The following HIPK2 variants were observed in gnomAD, a reference collection of about 807,000 sequenced individuals.
The protein encoded by HIPK2 is homeodomain interacting protein kinase 2.
Under a neutral mutation model 113.7 loss-of-function variants are expected in HIPK2, and 27 were observed. That is an observed-to-expected ratio of 0.24 (90% CI 0.17 to 0.33). The LOEUF is 0.33. Among genes scored for constraint, HIPK2 ranks in the 10% least tolerant of loss-of-function variants. HIPK2 has a pLI of 1.00. For missense variants in HIPK2, 1,257 were observed against 1,588.0 expected, an observed-to-expected ratio of 0.79 and a Z score of 3.54; for synonymous variants, 631 against 642.2, an observed-to-expected ratio of 0.98 and a Z score of 0.26.
At chr7:139,696,490 G>C (rs1413484636) in intron 2 of HIPK2, among the ~76,000 whole-genome samples, 2 of 152,008 alleles carry the variant, frequency 1.3e-5, no homozygotes, top group African/African-American at 2.4e-5. Context: ...GGCTGAGGGA[G>C]GGGGATGGCT....
intron 10 of HIPK2, among the ~76,000 whole-genome samples, chr7:139,603,558 C>G (rs967572110): frequency 5.3e-5 from 8 of 152,094 alleles, no homozygotes; most frequent in Non-Finnish European, 8.8e-5. Context: ...ACTGAAGAGG[C>G]ACACTCAGCA....
At chr7:139,678,431 G>A (rs534242433) in intron 2 of HIPK2, among the ~76,000 whole-genome samples, 2 of 152,308 alleles carry the variant, frequency 1.3e-5, no homozygotes, top group South Asian at 4.1e-4. Flanking sequence ...TATTAAATAG[G>A]GAATCCTTCC....
chr7:139,700,028 C>G (rs1299521797), intron 2 of HIPK2, among the ~76,000 whole-genome samples: 2 of 152,166 alleles, frequency 1.3e-5, no homozygotes, highest in African/African-American at 4.8e-5. Flanking sequence ...TGCAGATATA[C>G]GACGTCTGTG....
At position 139,575,168 on chromosome 7, in the gene HIPK2, C is replaced by T. The variant is rs1301899753; in HGVS notation, c.3086G>A (p.Gly1029Asp). ...TGGCTGCTGCTGCTGGAAGTGGGGG[C>T]CCGGCCGCTGCTGCCGGTAGGTGAT... ...GAITYRQQRP[G>D]PHFQQQQPLN... The change falls in exon 14 of 15, where the codon GGC (glycine) becomes GAC (aspartate). Residue 1029 changes from glycine to aspartate, a missense_variant. This residue lies in a region of HIPK2 where 862 missense variants were observed against 1,004.3 expected (regional missense o/e 0.86). Transcript: ENST00000406875. 6.3e-7 allele frequency: 1 copy of T among 1,593,340 alleles called. No homozygotes were observed. The highest frequency in any genetic ancestry group is 1.3e-5 in the African/African-American group (1 of 74,642).
intron 2 of HIPK2, among the ~76,000 whole-genome samples, chr7:139,655,172 A>G (rs1004777536): frequency 6.6e-6 from 1 of 152,256 alleles, no homozygotes; most frequent in Non-Finnish European, 1.5e-5. Flanking sequence ...CTCAGTGCCC[A>G]TAAGGTGCAG....
chr7:139,717,036 AAAGT>A (rs1368074681), intron 1 of HIPK2, 21 bp from the exon 2 acceptor site: 2 of 1,595,700 alleles, frequency 1.3e-6, no homozygotes, highest in African/African-American at 2.7e-5. Flanking sequence ...AGGAAAACGA[AAAGT>A]AAGTATCGGA....
At chr7:139,643,824 G>T (rs1801115165) in intron 2 of HIPK2, among the ~76,000 whole-genome samples, 1 of 152,204 alleles carries the variant, frequency 6.6e-6, no homozygotes, top group African/African-American at 2.4e-5. Context: ...AGATACTCAC[G>T]CTGCCCTGTA....
rs777667216 is a variant in HIPK2, at chr7:139,716,722, C to A, written c.313G>T (p.Gly105Trp). 6.2e-7 allele frequency: 1 copy of A among 1,613,880 alleles called. No homozygotes were observed. The highest frequency in any genetic ancestry group is 8.5e-7 in the Non-Finnish European group (1 of 1,179,866). ...TTGTGTGGTCCGCCGAGGACTTGCC[C>A]GGTGACAGAAGTGCTGCTTGCTGAG... ...VTSASSTSVTGQVLGGPHNLM... is the reference protein window; with the variant it reads ...VTSASSTSVTWQVLGGPHNLM... Residue 105 changes from glycine to tryptophan, a missense_variant, in exon 2 of 15, where the codon GGG (glycine) becomes TGG (tryptophan). Physicochemically the swap from Gly to Trp is radical, Grantham distance 184. Coordinates refer to ENST00000406875, the MANE Select transcript of HIPK2 (RefSeq NM_022740.5). The surrounding 1 kb of genome is among the most constrained non-coding windows in gnomAD (Gnocchi z 9.3).
chr7:139,691,689 G>C (rs532387288), intron 2 of HIPK2, among the ~76,000 whole-genome samples: 2 of 152,368 alleles, frequency 1.3e-5, no homozygotes, highest in South Asian at 4.1e-4. Context: ...GCCTGGTGTG[G>C]AGAGAGCTGG....
At chr7:139,660,545 C>T (rs1315750444) in intron 2 of HIPK2, among the ~76,000 whole-genome samples, 1 of 152,234 alleles carries the variant, frequency 6.6e-6, no homozygotes, top group Non-Finnish European at 1.5e-5. Flanking sequence ...AACCCAAAGG[C>T]CCCATCGGTT....
intron 2 of HIPK2, among the ~76,000 whole-genome samples, chr7:139,663,810 A>G (rs889482617): frequency 2.6e-5 from 4 of 152,228 alleles, no homozygotes; most frequent in African/African-American, 9.6e-5. Context: ...CAGACTGAGC[A>G]AGGAGAAGGA....
chr7:139,609,023 G>A lies in HIPK2; in HGVS notation c.2112+4179C>T, dbSNP rs184366272. ...AACACAAAACACTTCATGGAAGGGT[G>A]GAGTCTACAGTGATTTCTCTAACCC... On this transcript the variant is annotated intron_variant, in intron 9 of 14. Coordinates refer to ENST00000406875, the MANE Select transcript of HIPK2 (RefSeq NM_022740.5). Among the ~76,000 whole-genome samples the A allele has an allele frequency of 1.9e-3, 290 of 152,280 alleles. 2 individuals carry two copies. Among genetic ancestry groups the A allele is most frequent in the Middle Eastern group, 6.8e-3 (2 of 294 alleles).
At chr7:139,609,389 G>C (rs1212506430) in intron 9 of HIPK2, among the ~76,000 whole-genome samples, 1 of 152,184 alleles carries the variant, frequency 6.6e-6, no homozygotes, top group African/African-American at 2.4e-5. Flanking sequence ...GATGCTGCTG[G>C]GAGGTGGGGA....
In HIPK2 at chr7:139,563,065, A is replaced by G. The variant is rs1376216736; in HGVS notation, c.*9862T>C. The G allele has an allele frequency of 6.9e-6, 1 of 145,766 alleles. No individual in the cohort carries two copies. The highest frequency in any genetic ancestry group is 2.2e-4 in the East Asian group (1 of 4,616). 9.0% of individuals were successfully genotyped at this position (145,766 alleles called of 1,614,324 possible). On this transcript the variant is annotated 3_prime_UTR_variant, in exon 15 of 15. Coordinates refer to ENST00000406875, the MANE Select transcript of HIPK2 (RefSeq NM_022740.5). The stretch of plus-strand genomic sequence containing the variant: ...AGTGAGCAGGAACACAAAAGGGAGG[A>G]GAGCAGAAACGGGGGACCGACTGAC...
intron 1 of HIPK2, among the ~76,000 whole-genome samples, chr7:139,745,964 G>C (rs1302339864): frequency 6.6e-6 from 1 of 152,186 alleles, no homozygotes; most frequent in African/African-American, 2.4e-5. Context: ...CGTGTAAATA[G>C]GTGACAGAGA....
In HIPK2 at chr7:139,614,394, C is replaced by A; in HGVS notation, c.1882G>T (p.Ala628Ser). 1 of 1,576,946 alleles carries A rather than the reference C, an allele frequency of 6.3e-7. No individual in the cohort carries two copies. The highest frequency in any genetic ancestry group is 1.2e-5 in the South Asian group (1 of 86,680). Reference protein sequence around the residue: ...TLYQPSAASMAAVAQRSMPLQ... With the variant: ...TLYQPSAASMSAVAQRSMPLQ... ...GGCATGCTCCGCTGGGCCACTGCAGCCATGGATGCCGCTGAGGGCTGGTAG... is the reference window on the plus strand; with the variant it reads ...GGCATGCTCCGCTGGGCCACTGCAGACATGGATGCCGCTGAGGGCTGGTAG... Residue 628 changes from alanine (A) to serine (S), a missense_variant, in exon 8 of 15, where the codon GCT (alanine) becomes TCT (serine). This residue lies in a region of HIPK2 where 862 missense variants were observed against 1,004.3 expected (regional missense o/e 0.86). Coordinates refer to ENST00000406875, the MANE Select transcript of HIPK2 (RefSeq NM_022740.5).
chr7:139,602,088 G>C (rs1305155546), intron 10 of HIPK2, among the ~76,000 whole-genome samples: 1 of 151,878 alleles, frequency 6.6e-6, no homozygotes, highest in Non-Finnish European at 1.5e-5. Context: ...GAGTAGCTGG[G>C]ATTACAGGCG....
intron 12 of HIPK2, among the ~76,000 whole-genome samples, chr7:139,595,036 C>T (rs929300586): frequency 1.3e-5 from 2 of 152,220 alleles, no homozygotes; most frequent in Non-Finnish European, 2.9e-5. Context: ...GGAGAGACGG[C>T]TCTCTCATCC....
chr7:139,703,892 C>T (rs1220779001), intron 2 of HIPK2, among the ~76,000 whole-genome samples: 1 of 125,154 alleles, frequency 8.0e-6, no homozygotes. Context: ...CACACACACA[C>T]GCAACACATA....
Sources: gnomAD v4.1 joint callset for allele counts (sites outside exome capture counted in the v4.1 genomes callset) on GRCh38, gnomAD v4.1.1 for gene constraint, gnomAD v4.1.1 regional missense constraint, Gnocchi (gnomAD v3.1) non-coding constraint, MANE v1.5 for transcripts, NCBI Gene and HGNC (gene_info 2026-07-23, HGNC 2026-07-21) for gene names.